UNC5B: variants seen among roughly 807,000 people sequenced by gnomAD.
The protein encoded by UNC5B is unc-5 netrin receptor B, also known as netrin receptor UNC5B.
Under a neutral mutation model 103.7 loss-of-function variants are expected in UNC5B, and 56 were observed. That is an observed-to-expected ratio of 0.54 (90% CI 0.44 to 0.67). The LOEUF (loss-of-function observed/expected upper bound fraction) is 0.67, where lower values mean the gene tolerates loss of function less well. UNC5B is among the 30% of genes least tolerant of loss of function. The pLI is 0.00. For missense variants in UNC5B, 1,194 were observed against 1,284.5 expected, an observed-to-expected ratio of 0.93 and a Z score of 1.08; for synonymous variants, 577 against 542.0, an observed-to-expected ratio of 1.06 and a Z score of -0.90.
chr10:71,230,218 G>C (rs1230972943), intron 1 of UNC5B, among the ~76,000 whole-genome samples: 1 of 152,126 alleles, frequency 6.6e-6, no homozygotes, highest in Non-Finnish European at 1.5e-5. Context: ...CTGTGATTAG[G>C]AGGAACCTGA....
intron 1 of UNC5B, among the ~76,000 whole-genome samples, chr10:71,247,484 T>C (rs1415138116): frequency 6.6e-6 from 1 of 152,230 alleles, no homozygotes; most frequent in Non-Finnish European, 1.5e-5. Context: ...TGTTTCTTTC[T>C]TGCCCACTGA....
rs536517314 is a variant in UNC5B, at chr10:71,237,099, G to A, written c.79+24035G>A. Reference sequence around the variant, plus strand: ...GGTGGGCAAACAGGCCTGCCTGGGCGGAGGGTAGCTAGGATCCCAGGCTGG... The same window carrying A: ...GGTGGGCAAACAGGCCTGCCTGGGCAGAGGGTAGCTAGGATCCCAGGCTGG... On this transcript the variant is annotated intron_variant, in intron 1 of 16. Transcript: ENST00000335350. 3.3e-5 allele frequency among the ~76,000 whole-genome samples: 5 copies of A among 152,284 alleles called. No homozygotes were observed. The East Asian group carries it at 5.8e-4, about 18-fold the overall frequency.
chr10:71,290,318 C>T (rs1028222364), intron 8 of UNC5B, among the ~76,000 whole-genome samples: 2 of 152,110 alleles, frequency 1.3e-5, no homozygotes, highest in African/African-American at 2.4e-5. Context: ...AAAGTGTAGC[C>T]GTGGGTTGCC....
Position 71,299,043 on chromosome 10 carries a change from C to T in UNC5B, c.2673-69C>T, listed in dbSNP as rs1225678760. Reference sequence around the variant, plus strand: ...CAGCCTTCCCACTTCCCCTTGTGCCCCTTCACCTCCAGGCTCCGGGGAGGG... The same window carrying T: ...CAGCCTTCCCACTTCCCCTTGTGCCTCTTCACCTCCAGGCTCCGGGGAGGG... On this transcript the variant is annotated intron_variant, in intron 16 of 16. Coordinates refer to ENST00000335350, the MANE Select transcript of UNC5B (RefSeq NM_170744.5). 1.9e-6 allele frequency: 3 copies of T among 1,588,190 alleles called. No homozygotes were observed. In the East Asian group the frequency reaches 6.7e-5, roughly 36 times the overall value.
chr10:71,290,771 A>T, intron 8 of UNC5B, 144 bp from the exon 9 acceptor site: 1 of 1,003,108 alleles, frequency 1.0e-6, no homozygotes, highest in Non-Finnish European at 1.4e-6. Context: ...CGAGGTTGCC[A>T]GCCTGTGTAG....
At chr10:71,266,086 C>T (rs1432055556) in intron 1 of UNC5B, among the ~76,000 whole-genome samples, 1 of 152,104 alleles carries the variant, frequency 6.6e-6, no homozygotes, top group Non-Finnish European at 1.5e-5. Context: ...TTTTTTCACC[C>T]CTACCTCATA....
At chr10:71,221,989 GTCATCATCA>G (rs149864220) in intron 1 of UNC5B, among the ~76,000 whole-genome samples, 4 of 151,378 alleles carry the variant, frequency 2.6e-5, no homozygotes, top group Non-Finnish European at 4.4e-5. Context: ...ATTCACTACT[GTCATCATCA>G]TCATCATCAT....
chr10:71,244,413 G>A (rs1843976415), intron 1 of UNC5B, among the ~76,000 whole-genome samples: 1 of 152,228 alleles, frequency 6.6e-6, no homozygotes, highest in Non-Finnish European at 1.5e-5. Context: ...CCCCTGGGAC[G>A]TTGCCTGGCA....
intron 1 of UNC5B, among the ~76,000 whole-genome samples, chr10:71,231,524 C>T (rs550178758): frequency 2.0e-5 from 3 of 152,148 alleles, no homozygotes; most frequent in Non-Finnish European, 2.9e-5. Context: ...AGCCTGGGAG[C>T]GCAGGGCTGT....
intron 1 of UNC5B, among the ~76,000 whole-genome samples, chr10:71,229,262 G>A (rs1843634022): frequency 6.6e-6 from 1 of 152,212 alleles, no homozygotes; most frequent in Non-Finnish European, 1.5e-5. Context: ...TGCATGGGGA[G>A]CAACAAGCCC....
chr10:71,230,155 A>G (rs184971198), intron 1 of UNC5B, among the ~76,000 whole-genome samples: 3 of 152,124 alleles, frequency 2.0e-5, no homozygotes, highest in African/African-American at 7.2e-5. Context: ...CATTCTAGAT[A>G]GTCCTTCAAG....
chr10:71,280,485 C>T (rs1220631845), intron 2 of UNC5B, among the ~76,000 whole-genome samples: 1 of 152,132 alleles, frequency 6.6e-6, no homozygotes, highest in African/African-American at 2.4e-5. Context: ...TATGGCATTT[C>T]CTGTGTTGAA....
At chr10:71,241,178 C>A (rs1339468661) in intron 1 of UNC5B, among the ~76,000 whole-genome samples, 1 of 152,182 alleles carries the variant, frequency 6.6e-6, no homozygotes, top group Non-Finnish European at 1.5e-5. Flanking sequence ...AGCTGGGTTT[C>A]ATGTCCTAGC....
In UNC5B at chr10:71,293,679, C is replaced by A. The variant is rs56312213; in HGVS notation, c.1942-21C>A. 2.5e-6 allele frequency: 4 copies of A among 1,596,490 alleles called. No homozygotes were observed. The African/African-American group carries it at 5.4e-5, about 21-fold the overall frequency. On this transcript the variant is annotated intron_variant, in intron 12 of 16. Transcript: ENST00000335350. The stretch of plus-strand genomic sequence containing the variant: ...GCCTGAATAACTGTGACCACTACCC[C>A]ACCCTTGCTGTCCCCTACAGGAGGT...
intron 1 of UNC5B, among the ~76,000 whole-genome samples, chr10:71,225,027 C>G (rs928575192): frequency 6.6e-6 from 1 of 152,132 alleles, no homozygotes; most frequent in Admixed American, 6.5e-5. Flanking sequence ...GAGAGCCTGC[C>G]TTGTTATACA....
intron 11 of UNC5B, 38 bp from the exon 12 acceptor site, chr10:71,293,367 T>C: frequency 6.3e-7 from 1 of 1,575,506 alleles, no homozygotes; most frequent in Non-Finnish European, 8.6e-7. Context: ...TTTGCCGAGC[T>C]CTTCACTGCC....
intron 1 of UNC5B, among the ~76,000 whole-genome samples, chr10:71,247,047 G>T (rs1393589474): frequency 1.3e-5 from 2 of 152,186 alleles, no homozygotes; most frequent in East Asian, 3.8e-4. Context: ...TCAGCCTCCA[G>T]CCTTTGCCCA....
intron 1 of UNC5B, among the ~76,000 whole-genome samples, chr10:71,264,864 T>C (rs1449735606): frequency 6.6e-6 from 1 of 151,310 alleles, no homozygotes; most frequent in African/African-American, 2.4e-5. Flanking sequence ...CCGGGCGCCA[T>C]GGCTCGTACC....
chr10:71,230,369 A>G (rs939590724), intron 1 of UNC5B, among the ~76,000 whole-genome samples: 1 of 152,186 alleles, frequency 6.6e-6, no homozygotes, highest in Non-Finnish European at 1.5e-5. Flanking sequence ...CAGGTTGAAG[A>G]CAGGCAGTCC....
Sources: gnomAD v4.1 joint callset for allele counts (sites outside exome capture counted in the v4.1 genomes callset) on GRCh38, gnomAD v4.1.1 for gene constraint, MANE v1.5 for transcripts, NCBI Gene and HGNC (gene_info 2026-07-23, HGNC 2026-07-21) for gene names.